Variants in WASHC2A observed in about 807,000 individuals in gnomAD.
The protein encoded by WASHC2A is WASH complex subunit FAM21A.
A neutral mutation model predicts 140.3 loss-of-function variants in WASHC2A; 82 were observed. That is an observed-to-expected ratio of 0.58 (90% CI 0.49 to 0.70). The LOEUF is 0.70. Among genes scored for constraint, WASHC2A ranks in the 30% least tolerant of loss-of-function variants. The pLI is 0.00. For missense variants in WASHC2A, 985 were observed against 1,521.8 expected, an observed-to-expected ratio of 0.65 and a Z score of 5.87; for synonymous variants, 340 against 560.8, an observed-to-expected ratio of 0.61 and a Z score of 5.56.
In WASHC2A at chr10:50,127,745, G is replaced by A; in HGVS notation, c.3037G>A (p.Val1013Met). The A allele has an allele frequency of 6.4e-7, 1 of 1,555,800 alleles. No homozygotes were observed. The highest frequency in any genetic ancestry group is 8.7e-7 in the Non-Finnish European group (1 of 1,146,268). Residue 1013 changes from valine (V) to methionine (M), a missense_variant, in exon 28 of 31, where the codon GTG becomes ATG. Physicochemically the swap from Val to Met is conservative, Grantham distance 21. Coordinates refer to ENST00000282633, the MANE Select transcript of WASHC2A (RefSeq NM_001005751.3). ...CCTTCCCGGGAGTGGGGAGGCCGGTGTGAGTTTTGATCTTCCAGCTCAGGC... is the reference window on the plus strand; with the variant it reads ...CCTTCCCGGGAGTGGGGAGGCCGGTATGAGTTTTGATCTTCCAGCTCAGGC... ...PVLPGSGEAG[V>M]SFDLPAQADT... is the part of the protein sequence containing the mutation.
chr10:50,090,342 A>G (rs1656723463), intron 8 of WASHC2A, among the ~76,000 whole-genome samples: 1 of 149,550 alleles, frequency 6.7e-6, no homozygotes, highest in African/African-American at 2.5e-5. Flanking sequence ...TCTCTACTAA[A>G]AATACAAAAA....
chr10:50,099,009 TA>T, intron 16 of WASHC2A, among the ~76,000 whole-genome samples: 1 of 152,126 alleles, frequency 6.6e-6, no homozygotes, highest in East Asian at 1.9e-4. Context: ...TCTAAAGCGA[TA>T]GTTGAACACA....
intron 3 of WASHC2A, among the ~76,000 whole-genome samples, chr10:50,073,397 C>CT (rs1474099991): frequency 2.0e-5 from 3 of 151,964 alleles, no homozygotes; most frequent in Non-Finnish European, 2.9e-5. Context: ...ATACATAACT[C>CT]TGACAAGCTT....
At chr10:50,078,615 T>C (rs1301849154) in intron 3 of WASHC2A, 60 bp from the exon 4 acceptor site, 1 of 1,611,812 alleles carries the variant, frequency 6.2e-7, no homozygotes, top group Non-Finnish European at 8.5e-7. Context: ...AATTCTTATA[T>C]TGTGATTTAT....
At chr10:50,090,515 A>AATATATATATATATATATAT (rs1203140565) in intron 8 of WASHC2A, among the ~76,000 whole-genome samples, 6 of 108,726 alleles carry the variant, frequency 5.5e-5, no homozygotes, top group African/African-American at 2.0e-4. Context: ...AAAAAAAAAA[A>AATATATATATATATATATAT]ATATATATAT....
intron 11 of WASHC2A, among the ~76,000 whole-genome samples, chr10:50,092,500 A>G (rs1554883170): frequency 6.6e-6 from 1 of 151,976 alleles, no homozygotes; most frequent in East Asian, 1.9e-4. Flanking sequence ...TACTAAAAAT[A>G]CAAAAAATTA....
intron 17 of WASHC2A, among the ~76,000 whole-genome samples, chr10:50,103,589 C>A (rs1323187752): frequency 1.3e-5 from 2 of 151,532 alleles, no homozygotes; most frequent in African/African-American, 4.9e-5. Flanking sequence ...AAGTCATAAT[C>A]TTAGGGGAGG....
chr10:50,121,584 G>C (rs1285769396), intron 23 of WASHC2A, among the ~76,000 whole-genome samples: 1 of 150,474 alleles, frequency 6.6e-6, no homozygotes, highest in African/African-American at 2.5e-5. Context: ...AGTAGAGACA[G>C]GGTTTCACCG....
intron 3 of WASHC2A, among the ~76,000 whole-genome samples, chr10:50,070,626 G>A (rs1837714581): frequency 6.9e-6 from 1 of 145,218 alleles, no homozygotes; most frequent in African/African-American, 2.6e-5. Context: ...GCCACTTCCT[G>A]TCTTTTTTTG....
At chr10:50,090,619 C>A (rs1392192873) in intron 8 of WASHC2A, among the ~76,000 whole-genome samples, 157 bp from the exon 9 acceptor site, 2 of 138,190 alleles carry the variant, frequency 1.4e-5, no homozygotes, top group African/African-American at 2.6e-5. Flanking sequence ...TGTATTATTT[C>A]TTCCAGCACA....
chr10:50,069,522 ACTG>A (rs1554875418), intron 2 of WASHC2A, 22 bp from the exon 3 acceptor site: 6 of 1,608,350 alleles, frequency 3.7e-6, no homozygotes, highest in Non-Finnish European at 5.1e-6. Context: ...CATTGATACT[ACTG>A]TATGTTTATT....
At chr10:50,095,073 A>G (rs1162976924) in intron 13 of WASHC2A, 75 bp from the exon 14 acceptor site, 5 of 1,600,890 alleles carry the variant, frequency 3.1e-6, no homozygotes, top group Non-Finnish European at 4.3e-6. Context: ...TTTACATCGC[A>G]CGTATTTCAG....
intron 17 of WASHC2A, among the ~76,000 whole-genome samples, chr10:50,100,279 G>C (rs1212129961): frequency 6.6e-6 from 1 of 151,942 alleles, no homozygotes. Flanking sequence ...GTCAGGAGTT[G>C]GAGACCAGGC....
At position 50,101,319 on chromosome 10, in the gene WASHC2A, C is replaced by T. The variant is rs1841140040; in HGVS notation, c.1635+1255C>T. Among the ~76,000 whole-genome samples, 3 of 152,426 alleles carry T rather than the reference C, an allele frequency of 2.0e-5. No individual in the cohort carries two copies. In the South Asian group the frequency reaches 6.2e-4, roughly 32 times the overall value. ...CCCTGCCACTCTGAGGAATGCTGTTCCCAGAATCCAGCTTGCTTCCTCACT... is the reference window on the plus strand; with the variant it reads ...CCCTGCCACTCTGAGGAATGCTGTTTCCAGAATCCAGCTTGCTTCCTCACT... On this transcript the variant is annotated intron_variant, in intron 17 of 30. Coordinates refer to ENST00000282633, the MANE Select transcript of WASHC2A (RefSeq NM_001005751.3).
At chr10:50,086,179 G>C (rs1554880989) in intron 7 of WASHC2A, among the ~76,000 whole-genome samples, 2 of 151,542 alleles carry the variant, frequency 1.3e-5, no homozygotes, top group Admixed American at 6.6e-5. Context: ...TCCGAAAGGA[G>C]ACAGTGTTGT....
chr10:50,074,730 C>T (rs1353798785), intron 3 of WASHC2A, among the ~76,000 whole-genome samples: 5 of 151,988 alleles, frequency 3.3e-5, no homozygotes, highest in Non-Finnish European at 7.4e-5. Context: ...CTGACTAACA[C>T]GGTGAAGCTC....
intron 4 of WASHC2A, among the ~76,000 whole-genome samples, chr10:50,079,287 C>T (rs1190910229): frequency 6.6e-6 from 1 of 152,012 alleles, no homozygotes; most frequent in Non-Finnish European, 1.5e-5. Context: ...GCAATTATTA[C>T]TTGTAACAGA....
At chr10:50,130,764 A>T in intron 29 of WASHC2A, 137 bp from the exon 30 acceptor site, 1 of 1,367,548 alleles carries the variant, frequency 7.3e-7, no homozygotes, top group Non-Finnish European at 1.0e-6. Context: ...GGGGTAGTGC[A>T]TCCCAGGCAG....
chr10:50,077,569 T>C, intron 3 of WASHC2A, among the ~76,000 whole-genome samples: 1 of 152,162 alleles, frequency 6.6e-6, no homozygotes, highest in Non-Finnish European at 1.5e-5. Flanking sequence ...TGGTTTTTAC[T>C]GTACTCAAAG....
Sources: allele counts gnomAD v4.1 joint callset (sites outside exome capture counted in the v4.1 genomes callset), GRCh38; gene constraint gnomAD v4.1.1; transcripts MANE v1.5; gene names NCBI Gene and HGNC (gene_info 2026-07-23, HGNC 2026-07-21).